The following C19orf81 variants were observed in gnomAD, a reference collection of about 807,000 sequenced individuals.
C19orf81 encodes the protein putative uncharacterized protein C19orf81.
A neutral mutation model predicts 22.1 loss-of-function variants in C19orf81; 19 were observed. The ratio of observed to expected loss-of-function variants is 0.86; its 90% CI spans 0.60 to 1.26. The LOEUF (loss-of-function observed/expected upper bound fraction) is 1.26. C19orf81 is among the 50% of genes most tolerant of loss of function. The pLI is 0.00. For missense variants in C19orf81, 287 were observed against 280.7 expected (o/e 1.02, Z -0.16); for synonymous variants, 108 against 113.1 (o/e 0.95, Z 0.29).
rs1466283358 is a variant in C19orf81 at position 50,658,177 on chromosome 19, C to T, written c.401+49C>T. On this transcript the variant is annotated intron_variant, in intron 4 of 4. Transcript: ENST00000425202. ...CCTGGAGCGAGCGGGAGGGGCGGGG[C>T]CCGGGGCGACCGGGTAAGAGCGTGG... 5.0e-5 allele frequency: 74 copies of T among 1,492,040 alleles called. 1 individual carries two copies. The highest frequency in any genetic ancestry group is 6.5e-5 in the Non-Finnish European group (73 of 1,122,340). 92.4% of individuals were successfully genotyped at this position (1,492,040 alleles called of 1,614,324 possible). A position where few individuals can be genotyped will look rare whatever the true frequency, so the allele number is the denominator to read the frequency against.
At chr19:50,656,815 G>C (rs920546547) in intron 3 of C19orf81, among the ~76,000 whole-genome samples, 2 of 152,022 alleles carry the variant, frequency 1.3e-5, no homozygotes, top group African/African-American at 4.8e-5. Flanking sequence ...AGGCAGGCGT[G>C]GTGGCAGGTG....
At chr19:50,654,750 C>T (rs930564616) in intron 1 of C19orf81, among the ~76,000 whole-genome samples, 4 of 152,130 alleles carry the variant, frequency 2.6e-5, no homozygotes, top group African/African-American at 9.7e-5. Flanking sequence ...CCACCCTAGC[C>T]TCCTCAGTAG....
In C19orf81 at chr19:50,659,030, T is replaced by C. The variant is rs1315006953; in HGVS notation, c.485T>C (p.Ile162Thr). 1 of 1,529,238 alleles carries C rather than the reference T, an allele frequency of 6.5e-7. No individual in the cohort carries two copies. Among genetic ancestry groups the C allele is most frequent in the Non-Finnish European group, 8.7e-7 (1 of 1,143,366 alleles). The allele number at this position is 1,529,238 out of a possible 1,614,324, so 94.7% of individuals were successfully genotyped here. A position where few individuals can be genotyped will look rare whatever the true frequency, so the allele number is the denominator to read the frequency against. ...AGTCCCCGCGGGCTTGCGCACCAGA[T>C]CGTGCGCCACGACGACCTCCTGCTG... ...GLSPRGLAHQ[I>T]VRHDDLLLGD... Residue 162 changes from isoleucine to threonine, a missense_variant, in exon 5 of 5, where the codon ATC (isoleucine) becomes ACC (threonine). Ile to Thr is a moderately conservative substitution (Grantham distance 89, BLOSUM62 -1). Transcript: ENST00000425202.
At position 50,654,804 on chromosome 19, in the gene C19orf81, T is replaced by A. The variant is rs187348425; in HGVS notation, c.68-1246T>A. ...AACATCATGCCCAGATAATTAAAAA[T>A]TTTTTTTTGTAGAGATAGGGTGTTG... On this transcript the variant is annotated intron_variant, in intron 1 of 4. Coordinates refer to ENST00000425202, the MANE Select transcript of C19orf81 (RefSeq NM_001195076.2). 7.9e-3 allele frequency among the ~76,000 whole-genome samples: 1,070 copies of A among 136,164 alleles called. 25 individuals are homozygous for A. In the East Asian group the frequency reaches 0.091, roughly 12 times the overall value. 89.3% of individuals were successfully genotyped at this position (136,164 alleles called of 152,430 possible).
chr19:50,658,609 G>C lies in C19orf81; in HGVS notation c.402-338G>C, dbSNP rs1457915389. The C allele has an allele frequency of 2.1e-5, 6 of 286,646 alleles. No individual in the cohort carries two copies. The East Asian group carries it at 2.5e-4, about 12-fold the overall frequency. The allele number at this position is 286,646 out of a possible 1,614,324, so 17.8% of individuals were successfully genotyped here. On this transcript the variant is annotated intron_variant, in intron 4 of 4. Coordinates refer to ENST00000425202, the MANE Select transcript of C19orf81 (RefSeq NM_001195076.2). ...GGGGGTGGAAGAGACTGAGCACATA[G>C]TAGGTGTGGGGCCAGGGGTGATAGG...
Position 50,656,307 on chromosome 19 carries a change from A to G in C19orf81, c.222A>G (p.Pro74=). ...CGTGCATCCGGAAGTTCCCCACACC[A>G]CCAGCTTCCCAGCCCCTCTGCCTCT... ...ELPCIRKFPT[P]PASQPLCLCM... is the part of the protein sequence containing the mutation. The change falls in exon 3 of 5, where the codon CCA becomes CCG. Residue 74 remains proline (P), a synonymous_variant. Transcript: ENST00000425202. 6.5e-7 allele frequency: 1 copy of G among 1,536,146 alleles called. No homozygotes were observed.
intron 3 of C19orf81, among the ~76,000 whole-genome samples, 182 bp downstream of exon 3, chr19:50,656,528 C>G (rs1035701460): frequency 6.6e-6 from 1 of 152,114 alleles, no homozygotes; most frequent in Non-Finnish European, 1.5e-5. Flanking sequence ...GTCATGAAAT[C>G]TACTGCTCAT....
intron 4 of C19orf81, 95 bp downstream of exon 4, chr19:50,658,223 G>C (rs1191363163): frequency 1.1e-5 from 14 of 1,301,488 alleles, no homozygotes; most frequent in Non-Finnish European, 1.4e-5. Flanking sequence ...AGCGCTGAGG[G>C]ACGTGGCCAA....
chr19:50,659,075 T>A lies in C19orf81; in HGVS notation c.530T>A (p.Leu177Gln). 6.6e-7 allele frequency: 1 copy of A among 1,517,094 alleles called. No homozygotes were observed. Among genetic ancestry groups the A allele is most frequent in the Non-Finnish European group, 8.8e-7 (1 of 1,137,168 alleles). 94.0% of individuals were successfully genotyped at this position (1,517,094 alleles called of 1,614,324 possible). ...CTGCTGGGCGACTACCGCCTGCACC[T>A]GCGCCGCTCCCTGGTCCGGCGGCGC... is the stretch of plus-strand genomic sequence containing the variant. ...DLLLGDYRLH[L>Q]RRSLVRRRML... Residue 177 changes from leucine to glutamine, a missense_variant, in exon 5 of 5, where the codon CTG becomes CAG. Coordinates refer to ENST00000425202, the MANE Select transcript of C19orf81 (RefSeq NM_001195076.2).
At chr19:50,653,569 C>T (rs1046692285) in intron 1 of C19orf81, among the ~76,000 whole-genome samples, 7 of 151,742 alleles carry the variant, frequency 4.6e-5, no homozygotes, top group East Asian at 1.9e-4. Context: ...AAGTGTCTAC[C>T]GCACGTGTGT....
intron 4 of C19orf81, chr19:50,658,474 A>G (rs935539959): frequency 3.1e-5 from 9 of 289,764 alleles, no homozygotes; most frequent in African/African-American, 1.7e-4. Flanking sequence ...GTTGGAGGTA[A>G]GGTCCGGTGA....
chr19:50,652,909 C>T (rs1257510653), intron 1 of C19orf81, among the ~76,000 whole-genome samples: 2 of 152,176 alleles, frequency 1.3e-5, no homozygotes, highest in African/African-American at 2.4e-5. Context: ...TATCCTTATT[C>T]TATCATTTTG....
chr19:50,656,539 G>A (rs1984997899), intron 3 of C19orf81, among the ~76,000 whole-genome samples, 193 bp downstream of exon 3: 1 of 152,162 alleles, frequency 6.6e-6, no homozygotes, highest in Non-Finnish European at 1.5e-5. Flanking sequence ...TACTGCTCAT[G>A]TCAGAGGGGA....
At chr19:50,655,202 AG>A (rs1034151454) in intron 1 of C19orf81, among the ~76,000 whole-genome samples, 24 of 152,146 alleles carry the variant, frequency 1.6e-4, no homozygotes, top group African/African-American at 4.8e-4. Flanking sequence ...CTAGGATTGT[AG>A]GGGAAGGGGA....
intron 1 of C19orf81, among the ~76,000 whole-genome samples, chr19:50,655,648 C>CAAA (rs772068035): frequency 1.7e-4 from 23 of 133,564 alleles, no homozygotes; most frequent in Admixed American, 1.2e-3. Flanking sequence ...GACTCTGTCT[C>CAAA]AAAAAAAAAA....
intron 1 of C19orf81, among the ~76,000 whole-genome samples, chr19:50,651,014 G>C (rs1313042511): frequency 6.6e-6 from 1 of 152,178 alleles, no homozygotes; most frequent in African/African-American, 2.4e-5. Flanking sequence ...TGTTTTCTTT[G>C]CAGCGTTGTG....
At position 50,649,529 on chromosome 19, in the gene C19orf81, TG is replaced by T. The variant is rs1388429025; in HGVS notation, c.67+23del. The T allele has an allele frequency of 6.5e-7, 1 of 1,535,916 alleles. No homozygotes were observed. The highest frequency in any genetic ancestry group is 8.7e-7 in the Non-Finnish European group (1 of 1,146,784). On this transcript the variant is annotated intron_variant, in intron 1 of 4. Transcript: ENST00000425202. The stretch of plus-strand genomic sequence containing the variant: ...GAAGGCAGGTACTGAGCTGTGTCTT[TG>T]GGGGAAGGGGTGGACTTCCTCCATC...
chr19:50,657,516 C>A (rs745349481), intron 3 of C19orf81, among the ~76,000 whole-genome samples: 3 of 152,156 alleles, frequency 2.0e-5, no homozygotes, highest in Admixed American at 6.5e-5. Flanking sequence ...AATAGATTGA[C>A]AAGACATCAA....
rs180815378 is a variant in C19orf81, at chr19:50,653,638, A to T, written c.68-2412A>T. Among the ~76,000 whole-genome samples, 12 of 150,930 alleles carry T rather than the reference A, an allele frequency of 8.0e-5. No homozygotes were observed. The East Asian group carries it at 2.4e-3, about 30-fold the overall frequency. On this transcript the variant is annotated intron_variant, in intron 1 of 4. Transcript: ENST00000425202. ...CATATACCAGCACACCACTGACTAT[A>T]GTTAAACCAAGTTGAATGTGTTGAC...
Sources: allele counts gnomAD v4.1 joint callset (sites outside exome capture counted in the v4.1 genomes callset), GRCh38; gene constraint gnomAD v4.1.1; transcripts MANE v1.5; gene names NCBI Gene and HGNC (gene_info 2026-07-23, HGNC 2026-07-21).